The following ADK variants were observed in gnomAD, a reference collection of about 807,000 sequenced individuals.
ADK encodes the protein N6,N6-dimethyladenosine kinase.
Under a neutral mutation model 44.7 loss-of-function variants are expected in ADK, and 24 were observed. The ratio of observed to expected loss-of-function variants is 0.54; its 90% CI spans 0.39 to 0.76. The LOEUF is 0.76. Among genes scored for constraint, ADK ranks in the 30% least tolerant of loss-of-function variants. The pLI, the probability that ADK is intolerant of heterozygous loss-of-function variation, is 0.00. For synonymous variants in ADK, 128 were observed against 142.6 expected, an observed-to-expected ratio of 0.90 and a Z score of 0.73; for missense variants, 321 against 425.1, an observed-to-expected ratio of 0.76 and a Z score of 2.15.
chr10:74,237,955 G>T (rs904655374), intron 3 of ADK, among the ~76,000 whole-genome samples: 3 of 152,142 alleles, frequency 2.0e-5, no homozygotes, highest in African/African-American at 7.2e-5. Context: ...AAAATTAGGT[G>T]TGGCAGTGCA....
Position 74,698,286 on chromosome 10 carries a change from GA to G in ADK, c.965-10030del, listed in dbSNP as rs199827150. Among the ~76,000 whole-genome samples the G allele has an allele frequency of 4.5e-3, 684 of 152,298 alleles. 4 individuals are homozygous for G. The highest frequency in any genetic ancestry group is 0.015 in the African/African-American group (643 of 41,556). ...CCTCAGCATATGAGTTCTTGATTTG[GA>G]AAAACCTGCACTGATGGTTCTTGTT... On this transcript the variant is annotated intron_variant, in intron 10 of 10. Transcript: ENST00000539909.
chr10:74,611,317 G>GA (rs1402196968), intron 9 of ADK, among the ~76,000 whole-genome samples: 3 of 152,020 alleles, frequency 2.0e-5, no homozygotes, highest in African/African-American at 7.2e-5. Context: ...TTACGGGTGT[G>GA]AGCCACCACA....
intron 9 of ADK, among the ~76,000 whole-genome samples, chr10:74,601,652 A>G (rs1243110347): frequency 6.6e-6 from 1 of 152,132 alleles, no homozygotes; most frequent in Non-Finnish European, 1.5e-5. Context: ...ACTTGTGGAT[A>G]TGTTTTAAAT....
chr10:74,331,468 T>A (rs1168207158), intron 4 of ADK, among the ~76,000 whole-genome samples: 1 of 152,162 alleles, frequency 6.6e-6, no homozygotes, highest in East Asian at 1.9e-4. Flanking sequence ...CTAGTAAACA[T>A]TAGTCTACAT....
intron 4 of ADK, among the ~76,000 whole-genome samples, chr10:74,378,713 A>G (rs1842888353): frequency 6.6e-6 from 1 of 152,156 alleles, no homozygotes; most frequent in African/African-American, 2.4e-5. Flanking sequence ...AAGACTTTCA[A>G]GATGAGTGAG....
At chr10:74,468,869 C>G (rs1160089544) in intron 6 of ADK, among the ~76,000 whole-genome samples, 1 of 152,086 alleles carries the variant, frequency 6.6e-6, no homozygotes, top group Non-Finnish European at 1.5e-5. Flanking sequence ...ATTAAAGTAT[C>G]TAGTCCATAT....
intron 6 of ADK, chr10:74,506,120 G>C (rs1440694869): frequency 1.3e-5 from 2 of 152,812 alleles, no homozygotes; most frequent in Non-Finnish European, 1.5e-5. Flanking sequence ...AGTCTTACTA[G>C]AGTATGCCTT....
intron 6 of ADK, among the ~76,000 whole-genome samples, chr10:74,470,643 C>T (rs1028382359): frequency 9.9e-5 from 6 of 60,854 alleles, no homozygotes; most frequent in Admixed American, 1.9e-4. Context: ...TGGATTCTTT[C>T]GGGGGTGAGG....
intron 1 of ADK, among the ~76,000 whole-genome samples, chr10:74,162,416 T>G (rs1163556110): frequency 6.6e-6 from 1 of 152,180 alleles, no homozygotes; most frequent in African/African-American, 2.4e-5. Context: ...CTGAAAATAC[T>G]TCACGATTCT....
chr10:74,671,002 T>C (rs1855151844), intron 10 of ADK, among the ~76,000 whole-genome samples: 1 of 148,046 alleles, frequency 6.8e-6, no homozygotes, highest in African/African-American at 2.5e-5. Context: ...TGGTCTCTGT[T>C]TCTTTCTCTT....
intron 7 of ADK, among the ~76,000 whole-genome samples, chr10:74,572,481 C>G (rs1020794655): frequency 6.6e-6 from 1 of 152,072 alleles, no homozygotes; most frequent in Non-Finnish European, 1.5e-5. Context: ...AGTTATGTGT[C>G]TTGGAGTTGC....
intron 9 of ADK, among the ~76,000 whole-genome samples, chr10:74,628,561 A>G (rs1307104386): frequency 6.6e-6 from 1 of 151,680 alleles, no homozygotes; most frequent in Non-Finnish European, 1.5e-5. Context: ...TGCTGGCTCC[A>G]CTTTACTGAC....
At position 74,466,085 on chromosome 10, in the gene ADK, A is replaced by G. The variant is rs563848256; in HGVS notation, c.556-59171A>G. Among the ~76,000 whole-genome samples the G allele has an allele frequency of 2.6e-5, 4 of 152,276 alleles. No individual in the cohort carries two copies. The South Asian group carries it at 6.2e-4, about 24-fold the overall frequency. On this transcript the variant is annotated intron_variant, in intron 6 of 10. Coordinates refer to ENST00000539909, the MANE Select transcript of ADK (RefSeq NM_006721.4). ...TAATGTTTTTTTGTCTCACTAATAT[A>G]TTCGTATCCCTCTTCCCCCTTCTTG...
intron 6 of ADK, among the ~76,000 whole-genome samples, chr10:74,425,813 C>CA (rs1564714826): frequency 6.6e-6 from 1 of 152,006 alleles, no homozygotes; most frequent in South Asian, 2.1e-4. Flanking sequence ...CAATATACTT[C>CA]AAAAAAAGAT....
chr10:74,460,844 A>T (rs1182447851), intron 6 of ADK, among the ~76,000 whole-genome samples: 1 of 152,198 alleles, frequency 6.6e-6, no homozygotes. Flanking sequence ...AGCTTAAGAA[A>T]ATGTTTAAAG....
intron 7 of ADK, among the ~76,000 whole-genome samples, chr10:74,556,592 G>T (rs1850255390): frequency 6.6e-6 from 1 of 152,140 alleles, no homozygotes; most frequent in Non-Finnish European, 1.5e-5. Context: ...GGCATATATA[G>T]CATTCATGGA....
At chr10:74,696,466 T>C (rs1856210702) in intron 10 of ADK, among the ~76,000 whole-genome samples, 1 of 151,804 alleles carries the variant, frequency 6.6e-6, no homozygotes, top group Admixed American at 6.6e-5. Flanking sequence ...CCCGAGTTCA[T>C]GCCATTCTCC....
intron 4 of ADK, among the ~76,000 whole-genome samples, chr10:74,358,529 A>C (rs1281689389): frequency 1.3e-5 from 2 of 152,230 alleles, no homozygotes; most frequent in African/African-American, 4.8e-5. Context: ...AAGTTTATGC[A>C]AAAGCATATG....
intron 7 of ADK, among the ~76,000 whole-genome samples, chr10:74,547,483 TA>T (rs1279386317): frequency 4.9e-4 from 54 of 109,814 alleles, no homozygotes; most frequent in African/African-American, 1.2e-3. Context: ...TTTATTTTAT[TA>T]TTTTTTTTTT....
Sources: gnomAD v4.1 joint callset for allele counts (sites outside exome capture counted in the v4.1 genomes callset) on GRCh38, gnomAD v4.1.1 for gene constraint, MANE v1.5 for transcripts, NCBI Gene and HGNC (gene_info 2026-07-23, HGNC 2026-07-21) for gene names.